The following ST3GAL5 variants were observed in gnomAD, a reference collection of about 807,000 sequenced individuals.
ST3GAL5 encodes the protein ST3 beta-galactoside alpha-2,3-sialyltransferase 5, also known as lactosylceramide alpha-2,3-sialyltransferase.
A neutral mutation model predicts 46.1 loss-of-function variants in ST3GAL5; 25 were observed. That is an observed-to-expected ratio of 0.54 (90% CI 0.40 to 0.76). The LOEUF (loss-of-function observed/expected upper bound fraction) is 0.76, where lower values mean the gene tolerates loss of function less well. Among genes scored for constraint, ST3GAL5 ranks in the 30% least tolerant of loss-of-function variants. ST3GAL5 has a pLI of 0.00. For missense variants in ST3GAL5, 431 were observed against 521.2 expected (o/e 0.83, Z 1.69); for synonymous variants, 182 against 192.7 (o/e 0.94, Z 0.46).
At chr2:85,888,619 C>G (rs557966118) in intron 1 of ST3GAL5, 8 of 304,660 alleles carry the variant, frequency 2.6e-5, no homozygotes, top group South Asian at 3.1e-4. Context: ...TGCGTGGGAC[C>G]CCCCGCCCGG....
At chr2:85,863,341 A>T in intron 2 of ST3GAL5, 21 bp downstream of exon 2, 9 of 1,613,794 alleles carry the variant, frequency 5.6e-6, no homozygotes, top group Non-Finnish European at 7.6e-6. Context: ...GGGGATCTAC[A>T]GTCCCAGGGG....
At chr2:85,866,578 GGATGT>G (rs1685310190) in intron 1 of ST3GAL5, among the ~76,000 whole-genome samples, 1 of 152,272 alleles carries the variant, frequency 6.6e-6, no homozygotes, top group African/African-American at 2.4e-5. Flanking sequence ...CCTTTGCACA[GGATGT>G]GCTCACAATC....
At chr2:85,877,347 C>A (rs1686689436) in intron 1 of ST3GAL5, among the ~76,000 whole-genome samples, 1 of 152,204 alleles carries the variant, frequency 6.6e-6, no homozygotes, top group African/African-American at 2.4e-5. Context: ...CTGTTATGTT[C>A]CTTTAGCCTT....
At position 85,863,382 on chromosome 2, in the gene ST3GAL5, C is replaced by T. The variant is rs1170076768; in HGVS notation, c.186G>A (p.Leu62=). ...RAQSKMRRPS[L]LLKDILKCTL... ...CTTACTTGAGGATGTCTTTTAATAA[C>T]AAGCTGGGCCTTCTCATCTTGCTTT... The change falls in exon 2 of 7, where the codon TTG becomes TTA. Residue 62 remains leucine, a synonymous_variant. Coordinates refer to ENST00000638572, the MANE Select transcript of ST3GAL5 (RefSeq NM_003896.4). 6.2e-7 allele frequency: 1 copy of T among 1,614,202 alleles called. No individual in the cohort carries two copies. The highest frequency in any genetic ancestry group is 8.5e-7 in the Non-Finnish European group (1 of 1,180,040).
intron 3 of ST3GAL5, chr2:85,852,711 T>G (rs1275833764): frequency 1.2e-5 from 5 of 420,468 alleles, no homozygotes; most frequent in African/African-American, 1.0e-4. Flanking sequence ...TTCAAAGGAT[T>G]AAATCTTATG....
At chr2:85,849,659 G>C (rs894372360) in intron 3 of ST3GAL5, 7 of 152,190 alleles carry the variant, frequency 4.6e-5, no homozygotes, top group African/African-American at 7.2e-5. Context: ...AAACAAAAAC[G>C]CAACCTTGGA....
intron 1 of ST3GAL5, among the ~76,000 whole-genome samples, chr2:85,870,549 G>C (rs1469766478): frequency 6.6e-6 from 1 of 152,164 alleles, no homozygotes; most frequent in Non-Finnish European, 1.5e-5. Context: ...CCTTTATGCA[G>C]AAAAGGCCTG....
At chr2:85,865,549 C>G (rs542151185) in intron 1 of ST3GAL5, among the ~76,000 whole-genome samples, 1 of 152,290 alleles carries the variant, frequency 6.6e-6, no homozygotes, top group East Asian at 1.9e-4. Context: ...CAACTGAGAT[C>G]CTGGAAGGTT....
In ST3GAL5 at chr2:85,846,483, G is replaced by A; in HGVS notation, c.743C>T (p.Ala248Val). 1 of 1,614,174 alleles carries A rather than the reference G, an allele frequency of 6.2e-7. No individual in the cohort carries two copies. Among genetic ancestry groups the A allele is most frequent in the South Asian group, 1.1e-5 (1 of 91,072 alleles). The change falls in exon 5 of 7, where the codon GCA becomes GTA. Residue 248 changes from alanine (A) to valine (V), a missense_variant. Coordinates refer to ENST00000638572, the MANE Select transcript of ST3GAL5 (RefSeq NM_003896.4). Reference sequence around the variant, plus strand: ...ATAATATTCAAGGTCAGACAGTGGTGCGCCCTCTGGATAAGTCATCCTTAT... The same window carrying A: ...ATAATATTCAAGGTCAGACAGTGGTACGCCCTCTGGATAAGTCATCCTTAT... ...TTIRMTYPEG[A>V]PLSDLEYYSN...
chr2:85,882,105 C>T (rs1450870047), intron 1 of ST3GAL5, among the ~76,000 whole-genome samples: 1 of 152,244 alleles, frequency 6.6e-6, no homozygotes, highest in African/African-American at 2.4e-5. Context: ...AGCCCCAAGC[C>T]TTGGCAGCCT....
chr2:85,848,141 ATGTCTTGG>A lies in ST3GAL5; in HGVS notation c.374_381del (p.Ala125ValfsTer7). On this transcript the variant is annotated frameshift_variant, in exon 4 of 7. Transcript: ENST00000638572. LOFTEE classifies it high-confidence loss of function. ...CTGTGCTCAAATAACAGCGCCATTG[ATGTCTTGG>A]CAAACTTGGGACGACATTCCTTCTG... 1.9e-6 allele frequency: 3 copies of A among 1,614,186 alleles called. No individual in the cohort carries two copies. The highest frequency in any genetic ancestry group is 8.5e-7 in the Non-Finnish European group (1 of 1,180,040).
Position 85,837,469 on chromosome 2 carries a change from G to C in ST3GAL5, c.*2675C>G, listed in dbSNP as rs1380615710. ...GAAATGAAGAGAGGTTGATTAATGG[G>C]TACAAACATACAGTTTGATAAAAGA... On this transcript the variant is annotated 3_prime_UTR_variant, in exon 7 of 7. Transcript: ENST00000638572. The C allele has an allele frequency of 6.6e-6, 1 of 152,130 alleles. No individual in the cohort carries two copies. The highest frequency in any genetic ancestry group is 1.5e-5 in the Non-Finnish European group (1 of 68,010). 9.4% of individuals were successfully genotyped at this position (152,130 alleles called of 1,614,324 possible).
At chr2:85,867,271 C>A (rs974269977) in intron 1 of ST3GAL5, among the ~76,000 whole-genome samples, 1 of 152,168 alleles carries the variant, frequency 6.6e-6, no homozygotes, top group Non-Finnish European at 1.5e-5. Flanking sequence ...ATCAGTGTAA[C>A]CTGGAAGTGG....
intron 1 of ST3GAL5, among the ~76,000 whole-genome samples, chr2:85,881,248 G>T (rs144042062): frequency 6.6e-6 from 1 of 152,130 alleles, no homozygotes; most frequent in African/African-American, 2.4e-5. Flanking sequence ...CCTCTTTCTT[G>T]TATAAATTGC....
intron 4 of ST3GAL5, 27 bp downstream of exon 4, chr2:85,847,834 A>G: frequency 6.2e-7 from 1 of 1,611,802 alleles, no homozygotes; most frequent in South Asian, 1.1e-5. Context: ...AAATAAGTAA[A>G]CAAACAAACA....
intron 1 of ST3GAL5, among the ~76,000 whole-genome samples, chr2:85,871,182 G>A (rs1685885643): frequency 1.3e-5 from 2 of 151,924 alleles, no homozygotes; most frequent in African/African-American, 4.8e-5. Context: ...AACTATAGGT[G>A]TGCACCACCA....
At position 85,848,118 on chromosome 2, in the gene ST3GAL5, G is replaced by A; in HGVS notation, c.405C>T (p.His135=). ...AKTSMALLFE[H]RYSVDLLPFV... ...AAGGGAGTAAGTCCACGCTATACCT[G>A]TGCTCAAATAACAGCGCCATTGATG... Residue 135 remains histidine, a synonymous_variant, in exon 4 of 7, where the codon CAC becomes CAT. Coordinates refer to ENST00000638572, the MANE Select transcript of ST3GAL5 (RefSeq NM_003896.4). 1 of 1,614,210 alleles carries A rather than the reference G, an allele frequency of 6.2e-7. No homozygotes were observed. The highest frequency in any genetic ancestry group is 8.5e-7 in the Non-Finnish European group (1 of 1,180,048).
chr2:85,860,863 A>G (rs549212791), intron 3 of ST3GAL5: 1 of 313,066 alleles, frequency 3.2e-6, no homozygotes, highest in Admixed American at 4.6e-5. Context: ...AAGAAAAAAG[A>G]AAGAATTTCT....
At position 85,847,841 on chromosome 2, in the gene ST3GAL5, AAC is replaced by A. The variant is rs369967911; in HGVS notation, c.662+18_662+19del. Reference sequence around the variant, plus strand: ...AACAATAAAAATAAGTAAACAAACAAACAAAAAAAACCAATGTACCTTATCAC... The same window carrying A: ...AACAATAAAAATAAGTAAACAAACAAAAAAAAAACCAATGTACCTTATCAC... On this transcript the variant is annotated intron_variant, in intron 4 of 6. Transcript: ENST00000638572. The A allele has an allele frequency of 7.0e-4, 1,124 of 1,612,802 alleles. 3 individuals carry two copies. The African/African-American group carries it at 0.012, about 17-fold the overall frequency.
Sources: gnomAD v4.1 joint callset for allele counts (sites outside exome capture counted in the v4.1 genomes callset) on GRCh38, gnomAD v4.1.1 for gene constraint, MANE v1.5 for transcripts, NCBI Gene and HGNC (gene_info 2026-07-23, HGNC 2026-07-21) for gene names.